UNC13C: variants seen among roughly 807,000 people sequenced by gnomAD.
UNC13C encodes unc-13 homolog C.
A neutral mutation model predicts 245.4 loss-of-function variants in UNC13C; 174 were observed. The ratio of observed to expected loss-of-function variants is 0.71; its 90% CI spans 0.63 to 0.80. The LOEUF is 0.80. Among genes scored for constraint, UNC13C ranks in the 30% least tolerant of loss-of-function variants. The probability of loss-of-function intolerance (pLI) is 0.00; values close to 1 mark genes in which losing one functional copy is unlikely to be tolerated. For synonymous variants in UNC13C, 992 were observed against 895.1 expected (o/e 1.11, Z -1.93); for missense variants, 2,829 against 2,602.9 (o/e 1.09, Z -1.89).
At chr15:53,877,609 GA>G in the UNC13C span, among the ~76,000 whole-genome samples, 1 of 152,144 alleles carries the variant, frequency 6.6e-6, no homozygotes, top group African/African-American at 2.4e-5. Context: ...GGAGGAGGAG[GA>G]GGGGTGAAGG....
intron 19 of UNC13C, among the ~76,000 whole-genome samples, chr15:54,437,677 G>A (rs930304734): frequency 3.3e-5 from 5 of 151,868 alleles, no homozygotes; most frequent in East Asian, 3.9e-4. Context: ...AGTTCTGATC[G>A]ATTGCAAACA....
chr15:53,878,901 T>A, the UNC13C span, among the ~76,000 whole-genome samples: 2 of 152,146 alleles, frequency 1.3e-5, no homozygotes, highest in Non-Finnish European at 2.9e-5. Flanking sequence ...ATATCTGAAA[T>A]AACTTTTAGA....
At chr15:53,931,420 C>A in the UNC13C span, among the ~76,000 whole-genome samples, 5 of 152,164 alleles carry the variant, frequency 3.3e-5, no homozygotes, top group Non-Finnish European at 7.3e-5. Context: ...CCACTCTTCT[C>A]GACTTCCCAG....
At chr15:53,970,969 C>T in the UNC13C span, among the ~76,000 whole-genome samples, 2 of 152,110 alleles carry the variant, frequency 1.3e-5, no homozygotes, top group African/African-American at 2.4e-5. Flanking sequence ...TTTTTCATTT[C>T]CACCAACAGT....
intron 17 of UNC13C, among the ~76,000 whole-genome samples, chr15:54,364,591 A>T (rs1283764628): frequency 6.6e-6 from 1 of 152,198 alleles, no homozygotes; most frequent in African/African-American, 2.4e-5. Context: ...TTATACTTTT[A>T]GTGAAGTAGA....
At chr15:54,233,346 C>G (rs745923857) in intron 4 of UNC13C, among the ~76,000 whole-genome samples, 27 of 152,028 alleles carry the variant, frequency 1.8e-4, no homozygotes, top group Non-Finnish European at 1.3e-4. Context: ...CTGCTTCACA[C>G]GTATTCTATT....
At chr15:54,020,528 C>G (rs1895856396) in intron 2 of UNC13C, among the ~76,000 whole-genome samples, 1 of 150,888 alleles carries the variant, frequency 6.6e-6, no homozygotes, top group African/African-American at 2.4e-5. Flanking sequence ...CGTGATCTGC[C>G]TGCCTTGGCC....
intron 13 of UNC13C, among the ~76,000 whole-genome samples, chr15:54,319,526 A>T (rs1467072032): frequency 6.6e-6 from 1 of 151,904 alleles, no homozygotes; most frequent in African/African-American, 2.4e-5. Context: ...ACATAGCATA[A>T]ATTTTTATTC....
Position 54,140,541 on chromosome 15 carries a change from C to T in UNC13C, c.2984-2477C>T, listed in dbSNP as rs554038207. On this transcript the variant is annotated intron_variant, in intron 2 of 32. Coordinates refer to ENST00000260323, the MANE Select transcript of UNC13C (RefSeq NM_001080534.3). ...CACAATACTGAACCCAGGATGACAGCAGGGAGAAGTGTCACAAGTTTCCAG... is the reference window on the plus strand; with the variant it reads ...CACAATACTGAACCCAGGATGACAGTAGGGAGAAGTGTCACAAGTTTCCAG... Among the ~76,000 whole-genome samples the T allele has an allele frequency of 5.9e-5, 9 of 152,244 alleles. No homozygotes were observed. The South Asian group carries it at 1.9e-3, about 32-fold the overall frequency.
chr15:54,343,192 G>T (rs1406246156), intron 17 of UNC13C, among the ~76,000 whole-genome samples: 1 of 149,880 alleles, frequency 6.7e-6, no homozygotes, highest in African/African-American at 2.5e-5. Flanking sequence ...GGAGCGCAGT[G>T]GCGCAATCTC....
At chr15:54,195,312 G>A (rs1490016210) in intron 4 of UNC13C, among the ~76,000 whole-genome samples, 1 of 152,164 alleles carries the variant, frequency 6.6e-6, no homozygotes, top group Non-Finnish European at 1.5e-5. Context: ...TGTATGCTGA[G>A]AGAACAGTCG....
intron 17 of UNC13C, among the ~76,000 whole-genome samples, chr15:54,380,035 T>C (rs2039689388): frequency 6.6e-6 from 1 of 152,126 alleles, no homozygotes; most frequent in African/African-American, 2.4e-5. Flanking sequence ...GAATACAATA[T>C]ACTGTTAACT....
At chr15:54,269,049 T>TTTTTGTTTTA (rs1555441243) in intron 10 of UNC13C, among the ~76,000 whole-genome samples, 2 of 151,070 alleles carry the variant, frequency 1.3e-5, no homozygotes, top group African/African-American at 2.4e-5. Context: ...TTTTTTTAAT[T>TTTTTGTTTTA]TTTTATTTTA....
intron 24 of UNC13C, among the ~76,000 whole-genome samples, chr15:54,524,285 G>A (rs1895351464): frequency 6.6e-6 from 1 of 150,382 alleles, no homozygotes. Context: ...ATGGTAGCCT[G>A]TGTGTCTGGA....
chr15:54,440,766 T>G (rs979726761), intron 19 of UNC13C, among the ~76,000 whole-genome samples: 1 of 152,042 alleles, frequency 6.6e-6, no homozygotes, highest in African/African-American at 2.4e-5. Context: ...CTAATTTACG[T>G]TTCCACCAAC....
At chr15:54,604,668 T>A (rs761471100) in intron 30 of UNC13C, among the ~76,000 whole-genome samples, 3 of 152,170 alleles carry the variant, frequency 2.0e-5, no homozygotes, top group Non-Finnish European at 2.9e-5. Flanking sequence ...TAAGACCTCT[T>A]TATTTCTGGT....
At chr15:54,036,359 T>C (rs66525372) in intron 2 of UNC13C, among the ~76,000 whole-genome samples, 11,826 of 152,234 alleles carry the variant, frequency 0.078, 542 homozygotes, top group South Asian at 0.15. Context: ...AATGATCTGG[T>C]GCAGATGGAG....
At chr15:53,953,744 G>A in the UNC13C span, among the ~76,000 whole-genome samples, 102,306 of 152,132 alleles carry the variant, frequency 0.67, 34,609 homozygotes, top group East Asian at 0.85. Flanking sequence ...CAGAAGGGAT[G>A]ATATGAAGAG....
At chr15:54,395,636 G>A (rs370939259) in intron 18 of UNC13C, among the ~76,000 whole-genome samples, 6 of 151,876 alleles carry the variant, frequency 4.0e-5, no homozygotes, top group Admixed American at 2.0e-4. Context: ...TAAAACATAG[G>A]ACATTTTAAA....
Sources: allele counts gnomAD v4.1 joint callset (sites outside exome capture counted in the v4.1 genomes callset), GRCh38; gene constraint gnomAD v4.1.1; transcripts MANE v1.5; gene names NCBI Gene and HGNC (gene_info 2026-07-23, HGNC 2026-07-21).